The following ARHGAP26 variants were observed in gnomAD, a reference collection of about 807,000 sequenced individuals.
ARHGAP26 encodes rho GTPase-activating protein 26.
A neutral mutation model predicts 104.8 loss-of-function variants in ARHGAP26; 38 were observed. That is an observed-to-expected ratio of 0.36 (90% confidence interval 0.28 to 0.48). ARHGAP26 has a LOEUF of 0.48. Among genes scored for constraint, ARHGAP26 ranks in the 20% least tolerant of loss-of-function variants. ARHGAP26 has a pLI of 0.99. For synonymous variants in ARHGAP26, 341 were observed against 340.0 expected (o/e 1.00, Z -0.03); for missense variants, 704 against 947.9 (o/e 0.74, Z 3.38).
chr5:143,194,494 G>T (rs1806473914), intron 20 of ARHGAP26, among the ~76,000 whole-genome samples: 1 of 151,998 alleles, frequency 6.6e-6, no homozygotes, highest in African/African-American at 2.4e-5. Flanking sequence ...AAGCATTTAT[G>T]TATGAAACCT....
chr5:142,830,027 T>C (rs1465009534), intron 1 of ARHGAP26, among the ~76,000 whole-genome samples: 1 of 152,094 alleles, frequency 6.6e-6, no homozygotes, highest in East Asian at 1.9e-4. Flanking sequence ...GGGCAATTGG[T>C]GTGAGGAAAT....
At position 143,121,152 on chromosome 5, in the gene ARHGAP26, T is replaced by A; in HGVS notation, c.1698+5T>A. On this transcript the variant is annotated splice_donor_5th_base_variant and intron_variant, in intron 18 of 22. Transcript: ENST00000645722. ...CTAATAGAAAACCACGAAAAGGTAATATGTAATTGATCACTTGCAGTGAAG... is the reference window on the plus strand; with the variant it reads ...CTAATAGAAAACCACGAAAAGGTAAAATGTAATTGATCACTTGCAGTGAAG... 1 of 1,611,292 alleles carries A rather than the reference T, an allele frequency of 6.2e-7. No homozygotes were observed. Among genetic ancestry groups the A allele is most frequent in the South Asian group, 1.1e-5 (1 of 90,822 alleles).
chr5:142,842,676 C>T (rs1394705981), intron 1 of ARHGAP26, among the ~76,000 whole-genome samples: 2 of 152,170 alleles, frequency 1.3e-5, no homozygotes, highest in Non-Finnish European at 2.9e-5. Flanking sequence ...CACCTATCAG[C>T]CCTATGTCTT....
At chr5:142,903,170 A>G (rs71590923) in intron 7 of ARHGAP26, among the ~76,000 whole-genome samples, 21 of 152,162 alleles carry the variant, frequency 1.4e-4, no homozygotes, top group Admixed American at 2.6e-4. Context: ...GCAGCTGGAG[A>G]AATGAACGCC....
intron 19 of ARHGAP26, among the ~76,000 whole-genome samples, chr5:143,144,708 C>T (rs1798956927): frequency 6.6e-6 from 1 of 152,222 alleles, no homozygotes; most frequent in Non-Finnish European, 1.5e-5. Context: ...ATGCTTGGCT[C>T]ATTTTCTCCT....
Position 143,227,160 on chromosome 5 carries a change from G to A in ARHGAP26, c.*4714G>A, listed in dbSNP as rs957585212. On this transcript the variant is annotated 3_prime_UTR_variant, in exon 23 of 23. Transcript: ENST00000645722. ...TGAGTTTTGTGGACATGGCACTCCC[G>A]GAGACAGCAGTGGCCACCATGGCAC... 17 of 230,054 alleles carry A rather than the reference G, an allele frequency of 7.4e-5. No individual in the cohort carries two copies. The highest frequency in any genetic ancestry group is 1.3e-4 in the Non-Finnish European group (15 of 116,224). 14.3% of individuals were successfully genotyped at this position (230,054 alleles called of 1,614,324 possible).
intron 1 of ARHGAP26, among the ~76,000 whole-genome samples, chr5:142,837,213 G>C (rs764317647): frequency 6.6e-6 from 1 of 152,150 alleles, no homozygotes; most frequent in Non-Finnish European, 1.5e-5. Context: ...TACTTGGCAA[G>C]AGAAAACAAA....
intron 5 of ARHGAP26, among the ~76,000 whole-genome samples, chr5:142,890,151 A>ATATAT (rs1554140735): frequency 6.8e-4 from 22 of 32,374 alleles, no homozygotes; most frequent in East Asian, 1.4e-3. Flanking sequence ...AAAAAAAAAA[A>ATATAT]ATATATATAT....
chr5:142,884,047 A>G (rs1195371038), intron 4 of ARHGAP26, among the ~76,000 whole-genome samples: 5 of 152,236 alleles, frequency 3.3e-5, no homozygotes, highest in Admixed American at 6.5e-5. Flanking sequence ...GAGTTGCAGA[A>G]AAACATCCCT....
chr5:142,997,825 C>A (rs1336681991), intron 11 of ARHGAP26, among the ~76,000 whole-genome samples: 1 of 151,202 alleles, frequency 6.6e-6, no homozygotes, highest in Non-Finnish European at 1.5e-5. Flanking sequence ...ATGCTGATAT[C>A]GTGTCTAAGT....
intron 11 of ARHGAP26, among the ~76,000 whole-genome samples, chr5:142,971,263 T>C (rs1772230273): frequency 6.6e-6 from 1 of 152,188 alleles, no homozygotes; most frequent in Admixed American, 6.5e-5. Context: ...CCTTGATTTG[T>C]TGGTGGGGCA....
chr5:143,006,375 A>G (rs867784216), intron 11 of ARHGAP26, among the ~76,000 whole-genome samples: 18 of 146,506 alleles, frequency 1.2e-4, no homozygotes, highest in Middle Eastern at 3.7e-3. Flanking sequence ...TATTTATCCA[A>G]TCAGTACTTT....
At chr5:143,174,124 C>G (rs1234431125) in intron 20 of ARHGAP26, among the ~76,000 whole-genome samples, 1 of 152,190 alleles carries the variant, frequency 6.6e-6, no homozygotes, top group Non-Finnish European at 1.5e-5. Flanking sequence ...TGTCAATATT[C>G]ATTCAGTGCC....
At chr5:143,031,801 G>A (rs939016936) in intron 12 of ARHGAP26, among the ~76,000 whole-genome samples, 6 of 152,174 alleles carry the variant, frequency 3.9e-5, no homozygotes, top group African/African-American at 1.4e-4. Flanking sequence ...GCTTACTGCA[G>A]TCTCTGCCTC....
chr5:142,952,666 A>G (rs751443177), intron 11 of ARHGAP26, among the ~76,000 whole-genome samples: 24 of 152,090 alleles, frequency 1.6e-4, no homozygotes, highest in Non-Finnish European at 3.5e-4. Context: ...TCCCATTACC[A>G]CTGGCAATTG....
intron 20 of ARHGAP26, among the ~76,000 whole-genome samples, chr5:143,190,035 G>GAAAAAA (rs1342197102): frequency 3.5e-4 from 51 of 144,824 alleles, no homozygotes; most frequent in African/African-American, 4.2e-4. Context: ...GGAGGGGGGG[G>GAAAAAA]AAAAAAAAAA....
intron 11 of ARHGAP26, among the ~76,000 whole-genome samples, chr5:142,971,183 C>T (rs541362950): frequency 3.3e-5 from 5 of 152,098 alleles, no homozygotes; most frequent in South Asian, 2.1e-4. Context: ...GGAAAATAAC[C>T]GAAGTTATAA....
chr5:142,977,569 C>A (rs1314171344), intron 11 of ARHGAP26, among the ~76,000 whole-genome samples: 2 of 152,132 alleles, frequency 1.3e-5, no homozygotes, highest in African/African-American at 4.8e-5. Context: ...GATCTTTGGA[C>A]ATTTGCCTCC....
intron 1 of ARHGAP26, among the ~76,000 whole-genome samples, chr5:142,819,238 GTGCCCTA>G (rs1182052693): frequency 6.6e-6 from 1 of 152,094 alleles, no homozygotes; most frequent in African/African-American, 2.4e-5. Context: ...AAGTTCCTCT[GTGCCCTA>G]ATTACAAATT....
Sources: allele counts gnomAD v4.1 joint callset (sites outside exome capture counted in the v4.1 genomes callset), GRCh38; gene constraint gnomAD v4.1.1; transcripts MANE v1.5; gene names NCBI Gene and HGNC (gene_info 2026-07-23, HGNC 2026-07-21).